TJP1: variants seen among roughly 807,000 people sequenced by gnomAD.
The protein encoded by TJP1 is tight junction protein ZO-1.
TJP1 carries 43 observed loss-of-function variants against 194.2 expected under a neutral mutation model. That is an observed-to-expected ratio of 0.22 (90% CI 0.17 to 0.29). The LOEUF (loss-of-function observed/expected upper bound fraction) is 0.29. Among genes scored for constraint, TJP1 ranks in the 10% least tolerant of loss-of-function variants. TJP1 has a pLI of 1.00. For missense variants in TJP1, 1,971 were observed against 2,185.7 expected, an observed-to-expected ratio of 0.90 and a Z score of 1.96; for synonymous variants, 801 against 779.0, an observed-to-expected ratio of 1.03 and a Z score of -0.47.
chr15:29,918,450 A>G (rs2054255014), intron 2 of TJP1, among the ~76,000 whole-genome samples: 1 of 152,194 alleles, frequency 6.6e-6, no homozygotes, highest in Non-Finnish European at 1.5e-5. Context: ...TTAAAATGGT[A>G]TAGGCCAGGA....
chr15:29,740,179 G>A (rs2044310602), intron 10 of TJP1, among the ~76,000 whole-genome samples: 1 of 151,340 alleles, frequency 6.6e-6, no homozygotes, highest in African/African-American at 2.4e-5. Context: ...TTTTCACCAT[G>A]TTAGCCAGGA....
At chr15:29,804,021 C>T (rs759857554) in intron 1 of TJP1, among the ~76,000 whole-genome samples, 8 of 151,354 alleles carry the variant, frequency 5.3e-5, no homozygotes, top group Non-Finnish European at 8.9e-5. Context: ...TTTACCACTC[C>T]TTATCTTTAA....
intron 2 of TJP1, among the ~76,000 whole-genome samples, chr15:29,861,060 C>T (rs898331247): frequency 1.3e-5 from 2 of 152,128 alleles, no homozygotes; most frequent in African/African-American, 4.8e-5. Flanking sequence ...ATGGAACCTG[C>T]AATATCTCAG....
intron 1 of TJP1, among the ~76,000 whole-genome samples, chr15:29,961,334 CTTTTTTTTTT>C (rs5811594): frequency 1.0e-4 from 9 of 89,818 alleles, no homozygotes; most frequent in South Asian, 9.9e-4. Flanking sequence ...TTTCCTAATT[CTTTTTTTTTT>C]TTTTTTTTTT....
intron 5 of TJP1, among the ~76,000 whole-genome samples, chr15:29,763,597 C>T (rs2046143659): frequency 6.6e-6 from 1 of 151,668 alleles, no homozygotes. Context: ...GTAAAACCGT[C>T]TCTATTAAAA....
chr15:29,800,687 C>G lies in TJP1; in HGVS notation c.43G>C (p.Glu15Gln). Residue 15 changes from glutamate to glutamine, a missense_variant, in exon 2 of 28, where the codon GAA becomes CAA. Physicochemically the swap from Glu to Gln is conservative, Grantham distance 29. This residue lies in a region of TJP1 where 245 missense variants were observed against 336.6 expected (regional missense o/e 0.73). Coordinates refer to ENST00000614355, the MANE Select transcript of TJP1 (RefSeq NM_001330239.4). ...GTATGTTGTTCCCATATAGCTGTTT[C>G]CTCCATTGCTGTGCTCTGATAAAGG... is the stretch of plus-strand genomic sequence containing the variant. ...AAAAKSTAME[E>Q]TAIWEQHTVT... 6.2e-7 allele frequency: 1 copy of G among 1,613,836 alleles called. No homozygotes were observed. The highest frequency in any genetic ancestry group is 8.5e-7 in the Non-Finnish European group (1 of 1,179,940).
chr15:29,752,703 A>G (rs755279048), intron 8 of TJP1, among the ~76,000 whole-genome samples: 4 of 152,206 alleles, frequency 2.6e-5, no homozygotes, highest in Non-Finnish European at 4.4e-5. Flanking sequence ...TCGATATTCC[A>G]CTCACTTTGA....
intron 1 of TJP1, among the ~76,000 whole-genome samples, chr15:29,821,727 C>A (rs1273499899): frequency 1.3e-5 from 2 of 151,912 alleles, no homozygotes; most frequent in African/African-American, 2.4e-5. Context: ...CGCAGCCAGG[C>A]ACAGGCGCCG....
chr15:29,957,767 A>G (rs574413019), intron 1 of TJP1, among the ~76,000 whole-genome samples: 1 of 152,350 alleles, frequency 6.6e-6, no homozygotes, highest in East Asian at 1.9e-4. Context: ...GTTAGGAAAG[A>G]TTGCTCAAAG....
intron 2 of TJP1, among the ~76,000 whole-genome samples, chr15:29,888,490 C>T (rs775290128): frequency 5.9e-5 from 9 of 152,018 alleles, no homozygotes; most frequent in Non-Finnish European, 1.3e-4. Context: ...CTCAGATCAT[C>T]CTAAAGTTCC....
At chr15:29,875,695 T>C (rs919142857) in intron 2 of TJP1, among the ~76,000 whole-genome samples, 1 of 152,198 alleles carries the variant, frequency 6.6e-6, no homozygotes, top group African/African-American at 2.4e-5. Flanking sequence ...GCCTCCCAGG[T>C]AGCTGGGATT....
intron 1 of TJP1, among the ~76,000 whole-genome samples, chr15:29,817,365 C>A (rs1328317680): frequency 6.6e-6 from 1 of 152,042 alleles, no homozygotes; most frequent in Non-Finnish European, 1.5e-5. Flanking sequence ...GAAATAGGAA[C>A]GCTTTTACAC....
chr15:29,771,967 A>T, intron 4 of TJP1, 97 bp downstream of exon 4: 2 of 737,904 alleles, frequency 2.7e-6, no homozygotes, highest in Non-Finnish European at 2.2e-6. Context: ...CTATTGTTTC[A>T]GTTTTCCTTA....
At chr15:29,755,523 G>A (rs765312696) in intron 8 of TJP1, among the ~76,000 whole-genome samples, 9 of 152,160 alleles carry the variant, frequency 5.9e-5, no homozygotes, top group Non-Finnish European at 1.3e-4. Flanking sequence ...ATCATAAGCT[G>A]TATCAATGCT....
At chr15:29,716,510 A>T (rs2042572166) in intron 23 of TJP1, 101 bp downstream of exon 23, 3 of 880,398 alleles carry the variant, frequency 3.4e-6, no homozygotes, top group Admixed American at 5.1e-5. Context: ...AGCCTACAGA[A>T]ATCATATATT....
chr15:29,804,494 G>C (rs1034149830), intron 1 of TJP1, among the ~76,000 whole-genome samples: 1 of 152,082 alleles, frequency 6.6e-6, no homozygotes, highest in African/African-American at 2.4e-5. Context: ...TGAGAATTTT[G>C]ATGCATTAGA....
intron 8 of TJP1, chr15:29,760,197 G>A (rs1321557465): frequency 2.8e-6 from 2 of 702,248 alleles, no homozygotes; most frequent in Non-Finnish European, 5.2e-6. Context: ...GGCCTATAGA[G>A]CCTTGGGAGT....
chr15:29,704,696 T>C (rs1296408997), intron 26 of TJP1, among the ~76,000 whole-genome samples: 1 of 152,246 alleles, frequency 6.6e-6, no homozygotes, highest in Non-Finnish European at 1.5e-5. Context: ...CAGTGGCTAC[T>C]GCATTCAATC....
At chr15:29,822,513 G>C (rs1030483531), upstream of TJP1, 44 of 984,836 alleles carry the variant, frequency 4.5e-5, no homozygotes, top group South Asian at 1.9e-3. Flanking sequence ...GGCCCGGCGG[G>C]GGCGGGGCTG....
Sources: allele counts gnomAD v4.1 joint callset (sites outside exome capture counted in the v4.1 genomes callset), GRCh38; gene constraint gnomAD v4.1.1; regional missense constraint gnomAD v4.1.1; transcripts MANE v1.5; gene names NCBI Gene and HGNC (gene_info 2026-07-23, HGNC 2026-07-21).